The following GLMN variants were observed in gnomAD, a reference collection of about 807,000 sequenced individuals.
The protein encoded by GLMN is glomulin, FKBP associated protein, also known as glomulin.
Under a neutral mutation model 87.8 loss-of-function variants are expected in GLMN, and 75 were observed. The observed-to-expected ratio is 0.85, with a 90% confidence interval of 0.71 to 1.04. The LOEUF (loss-of-function observed/expected upper bound fraction) is 1.04. Among genes scored for constraint, GLMN ranks in the 50% least tolerant of loss-of-function variants. The pLI, the probability that GLMN is intolerant of heterozygous loss-of-function variation, is 0.00. For synonymous variants in GLMN, 206 were observed against 221.6 expected (o/e 0.93, Z 0.63); for missense variants, 588 against 658.8 (o/e 0.89, Z 1.18).
the GLMN span, among the ~76,000 whole-genome samples, chr1:92,348,088 A>G: frequency 6.6e-6 from 1 of 151,856 alleles, no homozygotes; most frequent in African/African-American, 2.4e-5. Flanking sequence ...CTGGGGTTTC[A>G]CCATGTTGGT....
At chr1:92,268,779 T>C (rs1249186710) in intron 9 of GLMN, among the ~76,000 whole-genome samples, 3 of 152,180 alleles carry the variant, frequency 2.0e-5, no homozygotes, top group Admixed American at 6.5e-5. Flanking sequence ...TAGAGGATAA[T>C]TGCAAAGCCC....
the GLMN span, among the ~76,000 whole-genome samples, chr1:92,364,873 C>T: frequency 2.0e-5 from 3 of 152,090 alleles, no homozygotes; most frequent in East Asian, 3.9e-4. Flanking sequence ...CTGATCAAGG[C>T]AGGCCTTTGT....
At position 92,290,250 on chromosome 1, in the gene GLMN, A is replaced by G. The variant is rs761588997; in HGVS notation, c.342T>C (p.Ser114=). The G allele has an allele frequency of 6.2e-7, 1 of 1,611,130 alleles. No homozygotes were observed. ...GAATACTTTGGGATATCTGTTTTCC[A>G]GAGGGCTCTTCAATCAGTTCAAGCA... ...LGLLELIEEP[S]GKQISQSILL... is the part of the protein sequence containing the mutation. Residue 114 remains serine, a synonymous_variant, in exon 5 of 19, where the codon TCT becomes TCC. Transcript: ENST00000370360.
the GLMN span, among the ~76,000 whole-genome samples, chr1:92,336,877 T>C: frequency 6.6e-6 from 1 of 152,182 alleles, no homozygotes; most frequent in South Asian, 2.1e-4. Flanking sequence ...TAATATTGAA[T>C]TACACAGAAC....
At chr1:92,342,670 C>T in the GLMN span, among the ~76,000 whole-genome samples, 1 of 152,066 alleles carries the variant, frequency 6.6e-6, no homozygotes, top group Non-Finnish European at 1.5e-5. Context: ...AATGGTGTGA[C>T]TGAAGAGAAA....
upstream of GLMN, chr1:92,303,934 T>C: frequency 7.2e-7 from 1 of 1,381,528 alleles, no homozygotes; most frequent in Non-Finnish European, 1.0e-6. Flanking sequence ...AAATGAACTT[T>C]TCTATTAAAC....
chr1:92,318,896 G>T, the GLMN span, among the ~76,000 whole-genome samples: 4 of 152,168 alleles, frequency 2.6e-5, no homozygotes, highest in Admixed American at 2.6e-4. Flanking sequence ...GCTGATAACT[G>T]AGTAGGAAAT....
chr1:92,274,012 C>G (rs1656548051), intron 7 of GLMN, among the ~76,000 whole-genome samples: 1 of 152,176 alleles, frequency 6.6e-6, no homozygotes. Context: ...ATAACTTGTA[C>G]CAAAGTGAGG....
the GLMN span, among the ~76,000 whole-genome samples, chr1:92,351,166 G>T: frequency 4.0e-5 from 6 of 151,506 alleles, no homozygotes; most frequent in African/African-American, 1.5e-4. Context: ...AATTAGCTGG[G>T]TGTGGTGGCA....
chr1:92,283,492 A>G (rs1648336987), intron 7 of GLMN, among the ~76,000 whole-genome samples: 1 of 152,210 alleles, frequency 6.6e-6, no homozygotes, highest in African/African-American at 2.4e-5. Context: ...AGCTTTTATG[A>G]CAAACCCACA....
At chr1:92,282,797 C>A (rs191174069) in intron 7 of GLMN, among the ~76,000 whole-genome samples, 1 of 152,222 alleles carries the variant, frequency 6.6e-6, no homozygotes, top group Non-Finnish European at 1.5e-5. Context: ...AAGGGGATAT[C>A]ACCACTGATC....
At chr1:92,338,690 GC>G in the GLMN span, among the ~76,000 whole-genome samples, 872 of 145,804 alleles carry the variant, frequency 6.0e-3, 5 homozygotes, top group African/African-American at 0.019. Flanking sequence ...TTGCTCAGTT[GC>G]CCAGGCTGGA....
chr1:92,316,501 T>A, the GLMN span, among the ~76,000 whole-genome samples: 23 of 152,230 alleles, frequency 1.5e-4, no homozygotes, highest in Non-Finnish European at 7.3e-5. Flanking sequence ...TTCTTTGGCA[T>A]AAGTTATTTC....
the GLMN span, among the ~76,000 whole-genome samples, chr1:92,329,354 A>G: frequency 6.6e-6 from 1 of 152,176 alleles, no homozygotes; most frequent in Admixed American, 6.5e-5. Flanking sequence ...TGCATCACAC[A>G]GGTCACTAGG....
chr1:92,304,130 A>C, the GLMN span: 1 of 1,371,204 alleles, frequency 7.3e-7, no homozygotes, highest in African/African-American at 1.5e-5. Context: ...ATTTAGCAAA[A>C]TACTTTGTTG....
intron 7 of GLMN, among the ~76,000 whole-genome samples, chr1:92,274,656 A>G (rs934383694): frequency 6.6e-6 from 1 of 152,072 alleles, no homozygotes; most frequent in African/African-American, 2.4e-5. Context: ...ATCCACTCTC[A>G]TGGTTCTCAA....
chr1:92,335,300 T>C, the GLMN span, among the ~76,000 whole-genome samples: 3 of 152,168 alleles, frequency 2.0e-5, no homozygotes, highest in Non-Finnish European at 2.9e-5. Context: ...AAATTGAATC[T>C]GGAAATAGAT....
the GLMN span, among the ~76,000 whole-genome samples, chr1:92,342,762 TGA>T: frequency 6.6e-6 from 1 of 152,084 alleles, no homozygotes; most frequent in African/African-American, 2.4e-5. Flanking sequence ...ACATGGGATG[TGA>T]GAGAGTCAAG....
At chr1:92,260,129 C>CA (rs1354809172) in intron 16 of GLMN, among the ~76,000 whole-genome samples, 2 of 152,154 alleles carry the variant, frequency 1.3e-5, no homozygotes, top group Non-Finnish European at 2.9e-5. Flanking sequence ...CAGTTATTGA[C>CA]ACGACCTATT....
Sources: allele counts gnomAD v4.1 joint callset (sites outside exome capture counted in the v4.1 genomes callset), GRCh38; gene constraint gnomAD v4.1.1; transcripts MANE v1.5; gene names NCBI Gene and HGNC (gene_info 2026-07-23, HGNC 2026-07-21).